RGL3: variants seen among roughly 807,000 people sequenced by gnomAD.
RGL3 encodes ral guanine nucleotide dissociation stimulator like 3.
A neutral mutation model predicts 90.6 loss-of-function variants in RGL3; 85 were observed. That is an observed-to-expected ratio of 0.94 (90% confidence interval 0.79 to 1.12). The LOEUF (loss-of-function observed/expected upper bound fraction) is 1.12. Ranked by LOEUF, RGL3 falls within the 50% of genes most tolerant of loss-of-function variation. RGL3 has a pLI of 0.00. For synonymous variants in RGL3, 408 were observed against 385.5 expected, an observed-to-expected ratio of 1.06 and a Z score of -0.68; for missense variants, 1,034 against 939.2, an observed-to-expected ratio of 1.10 and a Z score of -1.32.
In RGL3 at chr19:11,396,128, C is replaced by CTA. The variant is rs1174694619; in HGVS notation, c.2014+1115_2014+1116insTA. On this transcript the variant is annotated intron_variant, in intron 18 of 18. Transcript: ENST00000380456. Reference sequence around the variant, plus strand: ...TCTCTCTCTCTCTCTCTCTCTCTCTCTCTCTCTCTATATATATATATATAT... The same window carrying CTA: ...TCTCTCTCTCTCTCTCTCTCTCTCTCTATCTCTCTCTATATATATATATATAT... Among the ~76,000 whole-genome samples, 97 of 54,864 alleles carry CTA rather than the reference C, an allele frequency of 1.8e-3. 1 individual carries two copies. The highest frequency in any genetic ancestry group is 2.4e-3 in the Non-Finnish European group (69 of 28,270). The allele number at this position is 54,864 out of a possible 152,430, so 36.0% of individuals were successfully genotyped here.
In RGL3 at chr19:11,400,344, G is replaced by A. The variant is rs577669188; in HGVS notation, c.1485-47C>T. The A allele has an allele frequency of 2.8e-4, 416 of 1,480,960 alleles. 3 individuals are homozygous for A. In the South Asian group the frequency reaches 4.7e-3, roughly 17 times the overall value. 91.7% of individuals were successfully genotyped at this position (1,480,960 alleles called of 1,614,324 possible). On this transcript the variant is annotated intron_variant, in intron 13 of 18. Transcript: ENST00000380456. ...GAGGTGGTGGGGGCAGGAAATACAG[G>A]GGATGGAGAGATAAGAGTTGGAATC...
intron 2 of RGL3, among the ~76,000 whole-genome samples, chr19:11,418,155 C>T (rs978458269): frequency 4.0e-5 from 6 of 151,490 alleles, no homozygotes; most frequent in African/African-American, 1.2e-4. Flanking sequence ...ACAAATAGCT[C>T]CTGCAACTTG....
rs750111691 is a variant in RGL3, at chr19:11,405,370, T to C, written c.1053A>G (p.Gln351=). ...GCTTGAGCCGGTAGATGGGGTTAGA[T>C]TGCAGGGCGGACAGGATGGCGCGCA... ...SSLRAILSAL[Q]SNPIYRLKRS... The change falls in exon 8 of 19, where the codon CAA becomes CAG. Residue 351 remains glutamine, a synonymous_variant. Coordinates refer to ENST00000380456, the MANE Select transcript of RGL3 (RefSeq NM_001035223.4). 7 of 1,611,704 alleles carry C rather than the reference T, an allele frequency of 4.3e-6. No homozygotes were observed. The highest frequency in any genetic ancestry group is 1.1e-5 in the South Asian group (1 of 90,850).
In RGL3 at chr19:11,406,498, A is replaced by G; in HGVS notation, c.917T>C (p.Leu306Pro). Residue 306 changes from leucine (L) to proline (P), a missense_variant, in exon 7 of 19, where the codon CTG becomes CCG. Coordinates refer to ENST00000380456, the MANE Select transcript of RGL3 (RefSeq NM_001035223.4). ...AQFNTVTGCV[L>P]GSVLGAPGLA... The stretch of plus-strand genomic sequence containing the variant: ...GCCCGGTGCTCCGAGCACGGAACCC[A>G]GCACACAGCCGGTCACGGTGTTGAA... The G allele has an allele frequency of 3.2e-6, 5 of 1,555,498 alleles. No individual in the cohort carries two copies. The highest frequency in any genetic ancestry group is 4.3e-6 in the Non-Finnish European group (5 of 1,152,164).
Position 11,406,980 on chromosome 19 carries a change from G to A in RGL3, c.638-116C>T, listed in dbSNP as rs1968795605. On this transcript the variant is annotated intron_variant, in intron 5 of 18. Transcript: ENST00000380456. ...ACTTTCCTCATTTGTAAAACGGAGAGCTCTCTTAAATTTTTTTTTTTTTTT... is the reference window on the plus strand; with the variant it reads ...ACTTTCCTCATTTGTAAAACGGAGAACTCTCTTAAATTTTTTTTTTTTTTT... 7 of 1,094,092 alleles carry A rather than the reference G, an allele frequency of 6.4e-6. No homozygotes were observed. In the South Asian group the frequency reaches 1.2e-4, roughly 18 times the overall value. The allele number at this position is 1,094,092 out of a possible 1,614,324, so 67.8% of individuals were successfully genotyped here. A position where few individuals can be genotyped will look rare whatever the true frequency, so the allele number is the denominator to read the frequency against.
chr19:11,402,127 C>A lies in RGL3; in HGVS notation c.1368G>T (p.Trp456Cys). ...LINFEKRRKE[W>C]EILARIQQLQ... ...GCTGCTGGATGCGGGCCAGGATCTC[C>A]CACTCCTGGAGGACGAGCCTCTAAG... The change falls in exon 13 of 19, where the codon TGG (tryptophan) becomes TGT (cysteine). Residue 456 changes from tryptophan to cysteine, a missense_variant. Trp to Cys is a radical substitution (Grantham distance 215). Coordinates refer to ENST00000380456, the MANE Select transcript of RGL3 (RefSeq NM_001035223.4). The A allele has an allele frequency of 6.2e-7, 1 of 1,609,190 alleles. No homozygotes were observed. Among genetic ancestry groups the A allele is most frequent in the Non-Finnish European group, 8.5e-7 (1 of 1,177,776 alleles).
intron 5 of RGL3, among the ~76,000 whole-genome samples, chr19:11,413,957 A>G (rs1293001385): frequency 6.7e-6 from 1 of 148,602 alleles, no homozygotes; most frequent in Non-Finnish European, 1.5e-5. Flanking sequence ...CATGTTAGCC[A>G]GGATGGTCTC....
In RGL3 at chr19:11,416,032, C is replaced by T. The variant is rs774364196; in HGVS notation, c.542G>A (p.Gly181Glu). 9.9e-6 allele frequency: 16 copies of T among 1,613,838 alleles called. No individual in the cohort carries two copies. The highest frequency in any genetic ancestry group is 1.3e-5 in the Non-Finnish European group (15 of 1,180,002). ...VRTFLGWAAP[G>E]SAEAQKAEKL... Reference sequence around the variant, plus strand: ...CTCTGCTTTTTGAGCCTCAGCACTCCCTGGGGCCGCCCAGCCCAGAAAGGT... The same window carrying T: ...CTCTGCTTTTTGAGCCTCAGCACTCTCTGGGGCCGCCCAGCCCAGAAAGGT... Residue 181 changes from glycine (G) to glutamate (E), a missense_variant, in exon 5 of 19, where the codon GGG becomes GAG. Physicochemically the swap from Gly to Glu is moderately conservative, Grantham distance 98 (BLOSUM62 -2). Transcript: ENST00000380456.
At chr19:11,399,421 A>G (rs929530859) in intron 16 of RGL3, among the ~76,000 whole-genome samples, 30 of 152,024 alleles carry the variant, frequency 2.0e-4, no homozygotes, top group African/African-American at 7.0e-4. Flanking sequence ...AAAAAATAGC[A>G]GGGCATGGTG....
chr19:11,409,169 C>CAAAAA (rs1267799858), intron 5 of RGL3, among the ~76,000 whole-genome samples: 1 of 69,506 alleles, frequency 1.4e-5, no homozygotes, highest in Non-Finnish European at 2.9e-5. Flanking sequence ...GACTTTGTCT[C>CAAAAA]AAAAAAAAAA....
intron 5 of RGL3, among the ~76,000 whole-genome samples, chr19:11,412,333 A>G (rs1349797357): frequency 6.6e-6 from 1 of 151,828 alleles, no homozygotes; most frequent in Non-Finnish European, 1.5e-5. Flanking sequence ...TACCCAAAAC[A>G]TTTATGTATG....
chr19:11,406,514 C>G lies in RGL3; in HGVS notation c.901G>C (p.Val301Leu). The G allele has an allele frequency of 6.4e-7, 1 of 1,553,530 alleles. No individual in the cohort carries two copies. The highest frequency in any genetic ancestry group is 8.7e-7 in the Non-Finnish European group (1 of 1,150,572). Residue 301 changes from valine to leucine, a missense_variant, in exon 7 of 19, where the codon GTG (valine) becomes CTG (leucine). Coordinates refer to ENST00000380456, the MANE Select transcript of RGL3 (RefSeq NM_001035223.4). Reference sequence around the variant, plus strand: ...ACGGAACCCAGCACACAGCCGGTCACGGTGTTGAACTGGGCCACGGTGGCG... The same window carrying G: ...ACGGAACCCAGCACACAGCCGGTCAGGGTGTTGAACTGGGCCACGGTGGCG... Reference protein sequence around the residue: ...VRATVAQFNTVTGCVLGSVLG... With the variant: ...VRATVAQFNTLTGCVLGSVLG...
At chr19:11,395,132 C>A (rs1486552716) in intron 18 of RGL3, among the ~76,000 whole-genome samples, 1 of 151,760 alleles carries the variant, frequency 6.6e-6, no homozygotes, top group African/African-American at 2.4e-5. Context: ...CGACAACCTG[C>A]AGTAAAAGTT....
chr19:11,416,127 GCCCA>G lies in RGL3; in HGVS notation c.443_446del (p.Leu148ProfsTer107). On this transcript the variant is annotated frameshift_variant, in exon 5 of 19. Coordinates refer to ENST00000380456, the MANE Select transcript of RGL3 (RefSeq NM_001035223.4). LOFTEE classifies it high-confidence loss of function. The stretch of plus-strand genomic sequence containing the variant: ...CCTGAGGGTGGTCCTGCAGCCAGGA[GCCCA>G]GCACTGACACCACAGCCCTGGCCAG... The G allele has an allele frequency of 6.3e-7, 1 of 1,582,298 alleles. No homozygotes were observed. Among genetic ancestry groups the G allele is most frequent in the Non-Finnish European group, 8.6e-7 (1 of 1,165,502 alleles).
chr19:11,400,330 G>A (rs1429914896), intron 13 of RGL3, 33 bp from the exon 14 acceptor site: 3 of 1,526,110 alleles, frequency 2.0e-6, no homozygotes, highest in East Asian at 4.7e-5. Flanking sequence ...AGGTGGTGGG[G>A]GCAGGAAATA....
chr19:11,416,710 A>AG (rs1726899166), intron 3 of RGL3, 43 bp from the exon 4 acceptor site: 1 of 1,604,572 alleles, frequency 6.2e-7, no homozygotes, highest in Admixed American at 1.7e-5. Context: ...GGGAACCTAG[A>AG]GGGGGCTTAG....
chr19:11,412,449 C>T (rs1968890583), intron 5 of RGL3, among the ~76,000 whole-genome samples: 1 of 152,140 alleles, frequency 6.6e-6, no homozygotes, highest in African/African-American at 2.4e-5. Flanking sequence ...GTTCTTCATA[C>T]TATTCTCTCT....
chr19:11,413,800 G>C (rs1393512019), intron 5 of RGL3, among the ~76,000 whole-genome samples: 1 of 146,940 alleles, frequency 6.8e-6, no homozygotes, highest in African/African-American at 2.5e-5. Flanking sequence ...CTGGAGTTCA[G>C]TGGCTTGATC....
Position 11,397,603 on chromosome 19 carries a change from G to A in RGL3, c.1747-6C>T, listed in dbSNP as rs1036431465. ...AGGTCCAGGCTCAGGGGCAGCTGCA[G>A]GCAGTAAGGGGTGGAGGCTACAGCT... On this transcript the variant is annotated splice_region_variant and splice_polypyrimidine_tract_variant and intron_variant, in intron 16 of 18. Transcript: ENST00000380456. 1 of 1,541,044 alleles carries A rather than the reference G, an allele frequency of 6.5e-7. No homozygotes were observed. Among genetic ancestry groups the A allele is most frequent in the South Asian group, 1.2e-5 (1 of 84,042 alleles).
Sources: gnomAD v4.1 joint callset for allele counts (sites outside exome capture counted in the v4.1 genomes callset) on GRCh38, gnomAD v4.1.1 for gene constraint, MANE v1.5 for transcripts, NCBI Gene and HGNC (gene_info 2026-07-23, HGNC 2026-07-21) for gene names.